Variants in FNDC3A observed in about 807,000 individuals in gnomAD.
The protein encoded by FNDC3A is fibronectin type III domain containing 3A, also known as fibronectin type-III domain-containing protein 3A.
Under a neutral mutation model 148.9 loss-of-function variants are expected in FNDC3A, and 32 were observed. The ratio of observed to expected loss-of-function variants is 0.21; its 90% CI spans 0.16 to 0.29. The LOEUF (loss-of-function observed/expected upper bound fraction) is 0.29. Among genes scored for constraint, FNDC3A ranks in the 10% least tolerant of loss-of-function variants. The pLI is 1.00. For synonymous variants in FNDC3A, 472 were observed against 473.6 expected (o/e 1.00, Z 0.04); for missense variants, 1,191 against 1,452.8 (o/e 0.82, Z 2.93).
chr13:49,013,604 G>GTGTATACATGTGTACACGTGTATACA (rs1566190660), intron 2 of FNDC3A, among the ~76,000 whole-genome samples: 14 of 151,314 alleles, frequency 9.3e-5, no homozygotes, highest in East Asian at 5.8e-4. Flanking sequence ...AGATGTACAC[G>GTGTATACATGTGTACACGTGTATACA]TGTATACATG....
intron 2 of FNDC3A, among the ~76,000 whole-genome samples, chr13:49,029,130 TGCCAG>T (rs1386441934): frequency 6.6e-6 from 1 of 152,126 alleles, no homozygotes; most frequent in Non-Finnish European, 1.5e-5. Flanking sequence ...TGCACCACCA[TGCCAG>T]GCTGAAGTTT....
At chr13:49,069,869 G>A (rs1295408088) in intron 2 of FNDC3A, among the ~76,000 whole-genome samples, 1 of 152,178 alleles carries the variant, frequency 6.6e-6, no homozygotes, top group East Asian at 1.9e-4. Flanking sequence ...ATACTAGTAT[G>A]AGTGAGATAG....
At chr13:49,008,084 A>T (rs904634485) in intron 2 of FNDC3A, among the ~76,000 whole-genome samples, 1 of 152,230 alleles carries the variant, frequency 6.6e-6, no homozygotes, top group Non-Finnish European at 1.5e-5. Flanking sequence ...GAAGGAACTC[A>T]GTAAATGTTT....
intron 13 of FNDC3A, among the ~76,000 whole-genome samples, chr13:49,177,828 A>G (rs961758210): frequency 9.9e-5 from 15 of 152,224 alleles, no homozygotes; most frequent in African/African-American, 3.4e-4. Context: ...TTCCATTTAT[A>G]TGGATATAGA....
intron 16 of FNDC3A, 65 bp downstream of exon 16, chr13:49,187,255 T>C: frequency 8.7e-7 from 1 of 1,148,478 alleles, no homozygotes; most frequent in Non-Finnish European, 1.3e-6. Context: ...CTTTATGGCT[T>C]TACATTTTAT....
At chr13:49,040,678 A>C (rs755690905) in intron 2 of FNDC3A, among the ~76,000 whole-genome samples, 1 of 152,248 alleles carries the variant, frequency 6.6e-6, no homozygotes, top group Non-Finnish European at 1.5e-5. Context: ...TGAAGGATTT[A>C]GTTTTTAAAA....
chr13:49,078,174 T>C lies in FNDC3A; in HGVS notation c.175+2810T>C, dbSNP rs1406052350. Among the ~76,000 whole-genome samples the C allele has an allele frequency of 2.0e-5, 3 of 152,234 alleles. No individual in the cohort carries two copies. The East Asian group carries it at 5.8e-4, about 29-fold the overall frequency. On this transcript the variant is annotated intron_variant, in intron 3 of 25. Coordinates refer to ENST00000492622, the MANE Select transcript of FNDC3A (RefSeq NM_001079673.2). The stretch of plus-strand genomic sequence containing the variant: ...CTCAGAACACAAAAAGTGCTATTTA[T>C]GATTGGATAACCAGACCCTGAATTA...
In FNDC3A at chr13:49,075,322, T is replaced by A; in HGVS notation, c.133T>A (p.Phe45Ile). ...ILVQVNPGEA[F>I]TIRREDGQFQ... ...GGTACAAGTTAACCCAGGAGAAGCA[T>A]TTACAATAAGAAGAGAAGATGGACA... Residue 45 changes from phenylalanine to isoleucine, a missense_variant, in exon 3 of 26, where the codon TTT (phenylalanine) becomes ATT (isoleucine). This residue lies in a region of FNDC3A where 426 missense variants were observed against 473.2 expected (regional missense o/e 0.90). Transcript: ENST00000492622. 1 of 1,603,998 alleles carries A rather than the reference T, an allele frequency of 6.2e-7. No homozygotes were observed. Among genetic ancestry groups the A allele is most frequent in the Non-Finnish European group, 8.5e-7 (1 of 1,171,358 alleles).
At chr13:49,177,345 TA>T (rs1162255687) in intron 13 of FNDC3A, among the ~76,000 whole-genome samples, 1 of 152,204 alleles carries the variant, frequency 6.6e-6, no homozygotes, top group Admixed American at 6.5e-5. Context: ...CAGAAGATTT[TA>T]AAAGTTTCCT....
intron 8 of FNDC3A, among the ~76,000 whole-genome samples, chr13:49,161,588 G>A (rs1274851371): frequency 6.6e-6 from 1 of 152,030 alleles, no homozygotes; most frequent in African/African-American, 2.4e-5. Context: ...TTTAATTGGG[G>A]CATTTAGTCC....
chr13:49,138,911 A>G (rs1026642046), intron 7 of FNDC3A, 106 bp downstream of exon 7: 8 of 552,544 alleles, frequency 1.4e-5, no homozygotes, highest in Admixed American at 3.2e-5. Flanking sequence ...TGAAAATAGG[A>G]TCATACTGTA....
intron 1 of FNDC3A, among the ~76,000 whole-genome samples, chr13:48,985,159 T>G (rs1172538844): frequency 6.6e-6 from 1 of 152,108 alleles, no homozygotes; most frequent in African/African-American, 2.4e-5. Flanking sequence ...TAGACAAAAT[T>G]AATATTCAAG....
At chr13:49,161,635 T>C (rs1431579879) in intron 8 of FNDC3A, among the ~76,000 whole-genome samples, 3 of 152,214 alleles carry the variant, frequency 2.0e-5, no homozygotes, top group Non-Finnish European at 4.4e-5. Flanking sequence ...TGCGTGAATT[T>C]GATCCTGTCA....
intron 2 of FNDC3A, among the ~76,000 whole-genome samples, chr13:49,012,079 A>G (rs968599142): frequency 3.3e-5 from 5 of 152,030 alleles, no homozygotes; most frequent in Admixed American, 6.5e-5. Flanking sequence ...ATTGTTACAG[A>G]TATGATCAAA....
upstream of FNDC3A, chr13:48,975,835 G>C (rs1253443544): frequency 6.6e-6 from 1 of 151,592 alleles, no homozygotes; most frequent in African/African-American, 2.4e-5. Context: ...CTCGAGGCGG[G>C]GGTTCGGGGT....
intron 4 of FNDC3A, among the ~76,000 whole-genome samples, chr13:49,125,105 A>G (rs930391199): frequency 1.3e-5 from 2 of 152,128 alleles, no homozygotes; most frequent in Non-Finnish European, 1.5e-5. Flanking sequence ...CTTTGGGAAA[A>G]GTTTCAGGTT....
At chr13:49,190,151 G>A (rs996645428) in intron 17 of FNDC3A, among the ~76,000 whole-genome samples, 12 of 152,138 alleles carry the variant, frequency 7.9e-5, no homozygotes, top group Admixed American at 5.2e-4. Context: ...CTCCCAAAGC[G>A]CTGGGATTAC....
At chr13:49,145,633 C>A in intron 7 of FNDC3A, 145 bp from the exon 8 acceptor site, 1 of 641,792 alleles carries the variant, frequency 1.6e-6, no homozygotes, top group South Asian at 2.1e-5. Flanking sequence ...AAATTATTTG[C>A]AATGGGCAGG....
chr13:49,038,977 T>C (rs1295002129), intron 2 of FNDC3A, among the ~76,000 whole-genome samples: 2 of 152,142 alleles, frequency 1.3e-5, no homozygotes, highest in Non-Finnish European at 2.9e-5. Context: ...CCTGAATACA[T>C]ATACAGTATT....
Sources: allele counts gnomAD v4.1 joint callset (sites outside exome capture counted in the v4.1 genomes callset), GRCh38; gene constraint gnomAD v4.1.1; regional missense constraint gnomAD v4.1.1; transcripts MANE v1.5; gene names NCBI Gene and HGNC (gene_info 2026-07-23, HGNC 2026-07-21).